The following GALNT10 variants were observed in gnomAD, a reference collection of about 807,000 sequenced individuals.
The protein encoded by GALNT10 is GalNAc transferase 10.
In GALNT10, 41 loss-of-function variants were observed where a neutral mutation model predicts 75.0. The observed-to-expected ratio is 0.55, with a 90% confidence interval of 0.43 to 0.71. The LOEUF (loss-of-function observed/expected upper bound fraction) is 0.71, where lower values mean the gene tolerates loss of function less well. Ranked by LOEUF, GALNT10 falls within the 30% of genes least tolerant of loss-of-function variation. The pLI is 0.00. For missense variants in GALNT10, 727 were observed against 818.5 expected, an observed-to-expected ratio of 0.89 and a Z score of 1.36; for synonymous variants, 302 against 313.0, an observed-to-expected ratio of 0.96 and a Z score of 0.37.
At chr5:154,303,138 C>G (rs79546072) in intron 3 of GALNT10, among the ~76,000 whole-genome samples, 303 of 152,136 alleles carry the variant, frequency 2.0e-3, no homozygotes, top group African/African-American at 6.9e-3. Context: ...AGGCAAAATA[C>G]ATGAAACACT....
At chr5:154,377,104 G>A (rs1755661245) in intron 5 of GALNT10, among the ~76,000 whole-genome samples, 2 of 152,196 alleles carry the variant, frequency 1.3e-5, no homozygotes, top group African/African-American at 4.8e-5. Flanking sequence ...TCAGGGAAGG[G>A]CTGTAGAGAG....
chr5:154,368,769 T>A (rs1473202246), intron 4 of GALNT10, among the ~76,000 whole-genome samples: 1 of 152,242 alleles, frequency 6.6e-6, no homozygotes, highest in Non-Finnish European at 1.5e-5. Context: ...ATAGCTTTCC[T>A]TCTCAACTTG....
At chr5:154,368,018 G>A (rs183561573) in intron 4 of GALNT10, among the ~76,000 whole-genome samples, 194 of 152,186 alleles carry the variant, frequency 1.3e-3, no homozygotes, top group African/African-American at 4.4e-3. Flanking sequence ...ACTCACCTTC[G>A]GCATTATGTC....
rs1178832162 is a variant in GALNT10 at position 154,420,649 on chromosome 5, G to A, written c.*3677G>A. The A allele has an allele frequency of 6.6e-6, 1 of 152,202 alleles. No individual in the cohort carries two copies. The highest frequency in any genetic ancestry group is 1.9e-4 in the East Asian group (1 of 5,200). 9.4% of individuals were successfully genotyped at this position (152,202 alleles called of 1,614,324 possible). On this transcript the variant is annotated 3_prime_UTR_variant, in exon 12 of 12. Coordinates refer to ENST00000297107, the MANE Select transcript of GALNT10 (RefSeq NM_198321.4). ...AATATTTTAGTTCAAACTTGATCTTGAGCCAAGGCCCACTGCCACCTCTGG... is the reference window on the plus strand; with the variant it reads ...AATATTTTAGTTCAAACTTGATCTTAAGCCAAGGCCCACTGCCACCTCTGG...
chr5:154,385,743 A>T (rs1187354395), intron 6 of GALNT10, among the ~76,000 whole-genome samples: 1 of 152,226 alleles, frequency 6.6e-6, no homozygotes, highest in African/African-American at 2.4e-5. Flanking sequence ...GTTTAACTGA[A>T]AAGACAGAGA....
intron 1 of GALNT10, among the ~76,000 whole-genome samples, chr5:154,203,557 C>T (rs1297073765): frequency 6.6e-6 from 1 of 152,186 alleles, no homozygotes; most frequent in African/African-American, 2.4e-5. Context: ...CTTTCAGGTA[C>T]CTCTGAAATC....
At chr5:154,225,184 T>C (rs1345795010) in intron 1 of GALNT10, among the ~76,000 whole-genome samples, 2 of 148,660 alleles carry the variant, frequency 1.3e-5, no homozygotes, top group Admixed American at 1.3e-4. Flanking sequence ...GCTCCGCCTC[T>C]TGGGTTCACG....
intron 2 of GALNT10, among the ~76,000 whole-genome samples, chr5:154,297,555 C>G (rs1754295355): frequency 6.6e-6 from 1 of 152,172 alleles, no homozygotes; most frequent in African/African-American, 2.4e-5. Flanking sequence ...GATCAGCTCA[C>G]AGATGGTGGA....
chr5:154,330,908 G>GTGTGTGTGT (rs1754848603), intron 4 of GALNT10, among the ~76,000 whole-genome samples: 61 of 125,920 alleles, frequency 4.8e-4, no homozygotes, highest in African/African-American at 1.6e-3. Flanking sequence ...AGACAGAGAG[G>GTGTGTGTGT]GTGTGTGTGT....
chr5:154,233,397 A>G (rs948448772), intron 1 of GALNT10, among the ~76,000 whole-genome samples: 12 of 152,232 alleles, frequency 7.9e-5, no homozygotes. Flanking sequence ...GTCAGGCTGC[A>G]CCTGCAAGAT....
At chr5:154,378,619 C>T (rs919567473) in intron 5 of GALNT10, among the ~76,000 whole-genome samples, 3 of 152,168 alleles carry the variant, frequency 2.0e-5, no homozygotes, top group Non-Finnish European at 2.9e-5. Flanking sequence ...CTCACAGAGG[C>T]CCCATGAGAT....
At chr5:154,279,572 G>C (rs754551155) in intron 1 of GALNT10, among the ~76,000 whole-genome samples, 4 of 151,988 alleles carry the variant, frequency 2.6e-5, no homozygotes, top group Non-Finnish European at 5.9e-5. Context: ...CAAAGTGCTA[G>C]TATTACAGGC....
At chr5:154,336,243 C>T (rs1013396626) in intron 4 of GALNT10, among the ~76,000 whole-genome samples, 1 of 152,318 alleles carries the variant, frequency 6.6e-6, no homozygotes. Context: ...TACTGAAGGA[C>T]ATCTTGGCTG....
intron 1 of GALNT10, among the ~76,000 whole-genome samples, chr5:154,232,429 A>G (rs1242284434): frequency 6.6e-6 from 1 of 152,220 alleles, no homozygotes; most frequent in Non-Finnish European, 1.5e-5. Context: ...CTTTCTGTGT[A>G]GTGGTGAGAA....
intron 4 of GALNT10, among the ~76,000 whole-genome samples, chr5:154,348,360 C>T (rs1338807239): frequency 6.6e-6 from 1 of 152,218 alleles, no homozygotes; most frequent in African/African-American, 2.4e-5. Flanking sequence ...TCAAATATTA[C>T]ATCACCTCCA....
rs1755131324 is a variant in GALNT10 at position 154,346,950 on chromosome 5, C to A, written c.568+17212C>A. 2.0e-5 allele frequency among the ~76,000 whole-genome samples: 3 copies of A among 151,882 alleles called. No homozygotes were observed. In the South Asian group the frequency reaches 6.2e-4, roughly 32 times the overall value. ...GTGGCTGGCTCAGAGCATCTATCAA[C>A]CTTGATACCATCATATTCCTTGCTA... On this transcript the variant is annotated intron_variant, in intron 4 of 11. Coordinates refer to ENST00000297107, the MANE Select transcript of GALNT10 (RefSeq NM_198321.4).
chr5:154,348,269 A>G (rs1033445127), intron 4 of GALNT10, among the ~76,000 whole-genome samples: 4 of 152,312 alleles, frequency 2.6e-5, no homozygotes, highest in African/African-American at 9.6e-5. Flanking sequence ...GGGGGATTTC[A>G]TTTTTATTAC....
intron 1 of GALNT10, among the ~76,000 whole-genome samples, chr5:154,244,742 G>A (rs540322712): frequency 6.6e-6 from 1 of 152,336 alleles, no homozygotes; most frequent in Admixed American, 6.5e-5. Context: ...GCAAAAAGCA[G>A]GGGCAGCCAC....
At chr5:154,197,709 A>G (rs896052598) in intron 1 of GALNT10, among the ~76,000 whole-genome samples, 1 of 152,190 alleles carries the variant, frequency 6.6e-6, no homozygotes, top group African/African-American at 2.4e-5. Flanking sequence ...GCTGATAATG[A>G]GGTTGATAAT....
Sources: allele counts gnomAD v4.1 joint callset (sites outside exome capture counted in the v4.1 genomes callset), GRCh38; gene constraint gnomAD v4.1.1; transcripts MANE v1.5; gene names NCBI Gene and HGNC (gene_info 2026-07-23, HGNC 2026-07-21).